Variants in ITGA8 observed in about 807,000 individuals in gnomAD.
ITGA8 encodes the protein integrin alpha-8.
ITGA8 carries 91 observed loss-of-function variants against 142.3 expected under a neutral mutation model. The ratio of observed to expected loss-of-function variants is 0.64; its 90% CI spans 0.54 to 0.76. The LOEUF is 0.76. Among genes scored for constraint, ITGA8 ranks in the 30% least tolerant of loss-of-function variants. The pLI, the probability that ITGA8 is intolerant of heterozygous loss-of-function variation, is 0.00. For missense variants in ITGA8, 1,406 were observed against 1,327.7 expected (o/e 1.06, Z -0.92); for synonymous variants, 505 against 485.2 (o/e 1.04, Z -0.54).
intron 2 of ITGA8, among the ~76,000 whole-genome samples, chr10:15,689,746 A>G (rs1360780645): frequency 6.6e-6 from 1 of 152,038 alleles, no homozygotes; most frequent in African/African-American, 2.4e-5. Context: ...ATCATTCACT[A>G]TCCTCACACA....
intron 20 of ITGA8, among the ~76,000 whole-genome samples, chr10:15,598,124 C>T (rs1235755940): frequency 6.6e-6 from 1 of 152,114 alleles, no homozygotes; most frequent in South Asian, 2.1e-4. Context: ...GCAGCCATAG[C>T]TACTTACATT....
intron 23 of ITGA8, among the ~76,000 whole-genome samples, chr10:15,579,227 G>T (rs549877284): frequency 6.6e-6 from 1 of 152,196 alleles, no homozygotes; most frequent in South Asian, 2.1e-4. Flanking sequence ...CAGTCTTAGA[G>T]AATAATCTGT....
At chr10:15,598,607 A>T (rs1833047200) in intron 20 of ITGA8, among the ~76,000 whole-genome samples, 1 of 152,198 alleles carries the variant, frequency 6.6e-6, no homozygotes, top group Non-Finnish European at 1.5e-5. Context: ...TTGGACACAA[A>T]GTAAGTGATG....
At chr10:15,601,337 G>T (rs1388400951) in intron 20 of ITGA8, among the ~76,000 whole-genome samples, 1 of 152,168 alleles carries the variant, frequency 6.6e-6, no homozygotes, top group East Asian at 1.9e-4. Context: ...GGCTGTGAGA[G>T]ACTGAACAAG....
In ITGA8 at chr10:15,644,562, C is replaced by T. The variant is rs1245440983; in HGVS notation, c.1208-341G>A. ...CAGGATGGTCTGGAATTCCTGGCCT[C>T]AAGTGATCACCCCACCTCAGCCTCC... On this transcript the variant is annotated intron_variant, in intron 12 of 29. Transcript: ENST00000378076. 2.8e-5 allele frequency among the ~76,000 whole-genome samples: 4 copies of T among 143,384 alleles called. No homozygotes were observed. In the East Asian group the frequency reaches 8.3e-4, roughly 30 times the overall value. 94.1% of individuals were successfully genotyped at this position (143,384 alleles called of 152,430 possible).
At chr10:15,626,080 T>C (rs1401866319) in intron 13 of ITGA8, among the ~76,000 whole-genome samples, 1 of 152,136 alleles carries the variant, frequency 6.6e-6, no homozygotes, top group Non-Finnish European at 1.5e-5. Flanking sequence ...CATGATAAGA[T>C]TAGGGTGGGG....
At chr10:15,520,040 G>A (rs951153026) in intron 28 of ITGA8, among the ~76,000 whole-genome samples, 1 of 152,182 alleles carries the variant, frequency 6.6e-6, no homozygotes, top group African/African-American at 2.4e-5. Context: ...TAGGCATCTT[G>A]TATTTTATGG....
intron 10 of ITGA8, among the ~76,000 whole-genome samples, chr10:15,656,882 AC>A: frequency 6.6e-6 from 1 of 152,130 alleles, no homozygotes; most frequent in Non-Finnish European, 1.5e-5. Flanking sequence ...GGAGGCAGAG[AC>A]TTTGGTCTGT....
intron 8 of ITGA8, among the ~76,000 whole-genome samples, chr10:15,663,290 CAGATATTTTATTTT>C (rs1159802230): frequency 2.0e-5 from 3 of 152,160 alleles, no homozygotes; most frequent in Admixed American, 6.5e-5. Flanking sequence ...AATCCATTTT[CAGATATTTTATTTT>C]AGATATTTTA....
intron 13 of ITGA8, among the ~76,000 whole-genome samples, chr10:15,628,791 C>A (rs1004868195): frequency 1.3e-5 from 2 of 151,904 alleles, no homozygotes; most frequent in Non-Finnish European, 1.5e-5. Flanking sequence ...CCTTGACTTG[C>A]TCATGACACA....
rs1564396682 is a variant in ITGA8 at position 15,660,870 on chromosome 10, A to T, written c.891+9T>A. ...TACCCTATTCCTGTAATGCATTCTC[A>T]GTACTCACATATCCAAAATTCTGTG... On this transcript the variant is annotated intron_variant, in intron 9 of 29. Transcript: ENST00000378076. 3 of 1,610,652 alleles carry T rather than the reference A, an allele frequency of 1.9e-6. No homozygotes were observed. Among genetic ancestry groups the T allele is most frequent in the African/African-American group, 2.7e-5 (2 of 74,988 alleles).
chr10:15,617,646 G>A (rs185101606), intron 13 of ITGA8, among the ~76,000 whole-genome samples: 1 of 151,910 alleles, frequency 6.6e-6, no homozygotes, highest in East Asian at 1.9e-4. Flanking sequence ...TGATCCACCC[G>A]CCTCGGCCTC....
At chr10:15,573,411 C>T (rs1834224064) in intron 24 of ITGA8, among the ~76,000 whole-genome samples, 1 of 139,644 alleles carries the variant, frequency 7.2e-6, no homozygotes, top group Admixed American at 7.3e-5. Context: ...AATTATTTGA[C>T]AGCTTTTTTT....
chr10:15,575,677 C>G (rs1159601198), intron 23 of ITGA8, 83 bp from the exon 24 acceptor site: 3 of 1,089,756 alleles, frequency 2.8e-6, no homozygotes, highest in Non-Finnish European at 2.8e-6. Flanking sequence ...CTAACAGAAG[C>G]AGAAGAAAGT....
At chr10:15,562,490 T>C (rs1331400538) in intron 25 of ITGA8, among the ~76,000 whole-genome samples, 1 of 152,168 alleles carries the variant, frequency 6.6e-6, no homozygotes, top group Non-Finnish European at 1.5e-5. Flanking sequence ...TAACTCATCA[T>C]GGAGTCCAGG....
chr10:15,566,069 A>G (rs774337880), intron 25 of ITGA8, among the ~76,000 whole-genome samples: 41 of 152,236 alleles, frequency 2.7e-4, no homozygotes, highest in Admixed American at 5.2e-4. Flanking sequence ...AGACAAAACT[A>G]TGCAAATTTG....
chr10:15,719,803 A>G lies in ITGA8; in HGVS notation c.-32T>C. 7.5e-7 allele frequency: 1 copy of G among 1,324,604 alleles called. No homozygotes were observed. The highest frequency in any genetic ancestry group is 2.1e-5 in the South Asian group (1 of 47,078). 82.1% of individuals were successfully genotyped at this position (1,324,604 alleles called of 1,614,324 possible). A position where few individuals can be genotyped will look rare whatever the true frequency, so the allele number is the denominator to read the frequency against. ...CCGCCCCGGTGGGTGGCTGCTACCC[A>G]GGAGCGCGAGCCGAGGACCCCTGCG... On this transcript the variant is annotated 5_prime_UTR_variant, in exon 1 of 30. Coordinates refer to ENST00000378076, the MANE Select transcript of ITGA8 (RefSeq NM_003638.3).
intron 2 of ITGA8, among the ~76,000 whole-genome samples, chr10:15,701,227 T>C (rs1835158242): frequency 6.6e-6 from 1 of 152,198 alleles, no homozygotes; most frequent in Non-Finnish European, 1.5e-5. Context: ...AACCTATGAG[T>C]GATGGTTATC....
chr10:15,635,003 C>CTT lies in ITGA8; in HGVS notation c.1399+9025_1399+9026dup, dbSNP rs915334219. Among the ~76,000 whole-genome samples the CTT allele has an allele frequency of 6.5e-3, 695 of 107,194 alleles. 11 individuals carry two copies. Among genetic ancestry groups the CTT allele is most frequent in the African/African-American group, 0.021 (581 of 28,258 alleles). 70.3% of individuals were successfully genotyped at this position (107,194 alleles called of 152,430 possible). On this transcript the variant is annotated intron_variant, in intron 13 of 29. Transcript: ENST00000378076. ...CTAAATATTTTTTCTTTCTTTCTTT[C>CTT]TTTTTTTTTTTTTTTTTTTTTGGAG... is the stretch of plus-strand genomic sequence containing the variant.
Sources: allele counts gnomAD v4.1 joint callset (sites outside exome capture counted in the v4.1 genomes callset), GRCh38; gene constraint gnomAD v4.1.1; transcripts MANE v1.5; gene names NCBI Gene and HGNC (gene_info 2026-07-23, HGNC 2026-07-21).